MGAM: variants seen among roughly 807,000 people sequenced by gnomAD.
MGAM encodes the protein alpha-1,4-glucosidase.
A neutral mutation model predicts 358.8 loss-of-function variants in MGAM; 253 were observed. That is an observed-to-expected ratio of 0.71 (90% CI 0.64 to 0.78). MGAM has a LOEUF of 0.78. MGAM is among the 30% of genes least tolerant of loss of function. The pLI, the probability that MGAM is intolerant of heterozygous loss-of-function variation, is 0.00. For synonymous variants in MGAM, 1,105 were observed against 1,227.1 expected (o/e 0.90, Z 2.08); for missense variants, 3,080 against 3,432.6 (o/e 0.90, Z 2.57).
intron 66 of MGAM, 38 bp from the exon 67 acceptor site, chr7:142,099,575 C>T (rs765350146): frequency 4.3e-6 from 7 of 1,613,466 alleles, no homozygotes; most frequent in Non-Finnish European, 5.9e-6. Flanking sequence ...AGGGGCCTGT[C>T]CTCTCCTTAG....
Position 142,089,424 on chromosome 7 carries a change from G to T in MGAM, c.6811-2489G>T, listed in dbSNP as rs1815150504. Among the ~76,000 whole-genome samples, 2 of 146,706 alleles carry T rather than the reference G, an allele frequency of 1.4e-5. 1 individual carries two copies. The highest frequency in any genetic ancestry group is 3.1e-5 in the Non-Finnish European group (2 of 64,796). On this transcript the variant is annotated intron_variant, in intron 57 of 70. Transcript: ENST00000475668. ...ACTTCATTAGGGAGTCACAGAATCT[G>T]TTAGCTCATAAGAAATTCTTGGTAG... is the stretch of plus-strand genomic sequence containing the variant.
chr7:142,038,892 A>G (rs1012520872), intron 19 of MGAM, among the ~76,000 whole-genome samples: 2 of 152,122 alleles, frequency 1.3e-5, no homozygotes, highest in African/African-American at 2.4e-5. Context: ...TTGCATTGCT[A>G]TACAGAAATT....
intron 67 of MGAM, 121 bp downstream of exon 67, chr7:142,099,858 T>A: frequency 7.1e-7 from 1 of 1,402,114 alleles, no homozygotes; most frequent in South Asian, 1.4e-5. Context: ...ACACTTGTTT[T>A]TTCTTTGTTT....
Position 142,076,446 on chromosome 7 carries a change from T to C in MGAM, c.5325+194T>C, listed in dbSNP as rs1563199592. 8 of 851,988 alleles carry C rather than the reference T, an allele frequency of 9.4e-6. 1 individual carries two copies. The highest frequency in any genetic ancestry group is 2.2e-4 in the Middle Eastern group (1 of 4,566). 52.8% of individuals were successfully genotyped at this position (851,988 alleles called of 1,614,324 possible). A position where few individuals can be genotyped will look rare whatever the true frequency, so the allele number is the denominator to read the frequency against. On this transcript the variant is annotated intron_variant, in intron 46 of 70. Coordinates refer to ENST00000475668, the MANE Select transcript of MGAM (RefSeq NM_001365693.1). The stretch of plus-strand genomic sequence containing the variant: ...ATATAGCAAGTAGTGTTTCTAAATA[T>C]AGTTTTTAATTATCTGTGTGTTTTT...
intron 53 of MGAM, 85 bp downstream of exon 53, chr7:142,083,498 A>G (rs1193172626): frequency 1.0e-6 from 1 of 962,786 alleles, no homozygotes; most frequent in Non-Finnish European, 1.5e-6. Context: ...TAACTCTCAG[A>G]TGATAACTGG....
intron 41 of MGAM, among the ~76,000 whole-genome samples, chr7:142,067,045 C>T (rs903134518): frequency 8.2e-5 from 12 of 146,148 alleles, no homozygotes; most frequent in African/African-American, 2.9e-4. Flanking sequence ...AGGATTTCAG[C>T]AAGAGAATTG....
rs781979872 is a variant in MGAM, at chr7:142,032,834, G to A, written c.1594G>A (p.Glu532Lys). Residue 532 changes from glutamate to lysine, a missense_variant, in exon 14 of 71, where the codon GAA becomes AAA. By Grantham distance (56) the Glu-to-Lys change is moderately conservative (BLOSUM62 1). Around this residue, in one of 5 missense-constraint regions of MGAM, gnomAD observed 1,816 missense variants for 1,840.5 expected, o/e 0.99. Coordinates refer to ENST00000475668, the MANE Select transcript of MGAM (RefSeq NM_001365693.1). ...GCTCTTTGTCTTGTAGGATATGAAT[G>A]AAGTCTCCAACTTTGTTGATGGTTC... ...EFDGIWIDMN[E>K]VSNFVDGSVS... The A allele has an allele frequency of 5.0e-5, 81 of 1,608,210 alleles. No individual in the cohort carries two copies. Among genetic ancestry groups the A allele is most frequent in the Admixed American group, 1.7e-5 (1 of 59,606 alleles).
In MGAM at chr7:142,024,031, C is replaced by T. The variant is rs1234618198; in HGVS notation, c.883-1019C>T. ...TGTGGATCATTTGAGGTCAGGAGTT[C>T]AAGATCAACCTGGTGAAACCCTGTC... On this transcript the variant is annotated intron_variant, in intron 7 of 70. Coordinates refer to ENST00000475668, the MANE Select transcript of MGAM (RefSeq NM_001365693.1). 2.0e-5 allele frequency among the ~76,000 whole-genome samples: 3 copies of T among 151,948 alleles called. No individual in the cohort carries two copies. In the East Asian group the frequency reaches 5.8e-4, roughly 29 times the overall value.
intron 65 of MGAM, among the ~76,000 whole-genome samples, chr7:142,097,101 A>AT (rs11289169): frequency 9.8e-4 from 147 of 149,836 alleles, no homozygotes; most frequent in Middle Eastern, 6.8e-3. Context: ...GCCAATTTAA[A>AT]TTTTTTTTTT....
intron 49 of MGAM, 121 bp downstream of exon 49, chr7:142,079,129 C>G: frequency 2.2e-6 from 2 of 928,476 alleles, no homozygotes; most frequent in East Asian, 5.4e-5. Flanking sequence ...ATGTCATTAT[C>G]CAGAGAACAT....
chr7:142,056,781 C>T (rs62477618), intron 29 of MGAM, 49 bp from the exon 30 acceptor site: 289,565 of 1,572,736 alleles, frequency 0.18, 27,555 homozygotes, highest in Middle Eastern at 0.3. Context: ...AGGGGTGATT[C>T]GTGACATGGA....
chr7:142,041,625 A>G (rs1462778618), intron 21 of MGAM, among the ~76,000 whole-genome samples: 1 of 150,918 alleles, frequency 6.6e-6, no homozygotes, highest in South Asian at 2.1e-4. Flanking sequence ...TACTTTAACA[A>G]CTCTATCTCC....
At position 142,060,861 on chromosome 7, in the gene MGAM, T is replaced by TA. The variant is rs560008745; in HGVS notation, c.4122+489dup. On this transcript the variant is annotated intron_variant, in intron 34 of 70. Transcript: ENST00000475668. Reference sequence around the variant, plus strand: ...GAACAGGTGTCTCCATCTTCATACTTACGAGTCCTGCCCCGAGCCCCACCA... The same window carrying TA: ...GAACAGGTGTCTCCATCTTCATACTTAACGAGTCCTGCCCCGAGCCCCACCA... 2.8e-4 allele frequency among the ~76,000 whole-genome samples: 43 copies of TA among 152,240 alleles called. No individual in the cohort carries two copies. In the South Asian group the frequency reaches 8.9e-3, roughly 32 times the overall value.
At chr7:142,045,353 A>ATATATGATATATAATATATATTATATG (rs1810061828) in intron 21 of MGAM, among the ~76,000 whole-genome samples, 1 of 96,052 alleles carries the variant, frequency 1.0e-5, no homozygotes, top group Non-Finnish European at 1.9e-5. Context: ...TGTCCCTATA[A>ATATATGATATATAATATATATTATATG]TACATGATAT....
chr7:141,996,135 A>C (rs782527564), intron 1 of MGAM, among the ~76,000 whole-genome samples: 4 of 149,764 alleles, frequency 2.7e-5, no homozygotes, highest in Non-Finnish European at 1.5e-5. Flanking sequence ...CATCTCTACT[A>C]AAAAAATACA....
At chr7:142,073,678 C>T (rs1813520332) in intron 44 of MGAM, among the ~76,000 whole-genome samples, 1 of 146,122 alleles carries the variant, frequency 6.8e-6, no homozygotes, top group African/African-American at 2.4e-5. Context: ...CTTAGGCAGG[C>T]GAAAATGTAT....
At chr7:142,105,747 C>T (rs2129069650) in intron 70 of MGAM, 67 bp from the exon 71 acceptor site, 4 of 1,216,874 alleles carry the variant, frequency 3.3e-6, no homozygotes, top group Non-Finnish European at 4.9e-6. Context: ...ATACTTGCAC[C>T]TGATTTATTT....
At chr7:142,036,791 A>C in intron 17 of MGAM, 32 bp from the exon 18 acceptor site, 2 of 1,606,142 alleles carry the variant, frequency 1.2e-6, no homozygotes, top group South Asian at 2.2e-5. Context: ...CCTGCAGCCA[A>C]ACCACAACTG....
chr7:142,000,464 C>T (rs375844991), intron 1 of MGAM, among the ~76,000 whole-genome samples: 1 of 152,108 alleles, frequency 6.6e-6, no homozygotes, highest in East Asian at 1.9e-4. Context: ...TAGATGCCAT[C>T]CCTTCTCCAC....
Sources: allele counts gnomAD v4.1 joint callset (sites outside exome capture counted in the v4.1 genomes callset), GRCh38; gene constraint gnomAD v4.1.1; regional missense constraint gnomAD v4.1.1; transcripts MANE v1.5; gene names NCBI Gene and HGNC (gene_info 2026-07-23, HGNC 2026-07-21).